Variants in RNF4 observed in about 807,000 individuals in gnomAD.
The protein encoded by RNF4 is ring finger protein 4, also known as E3 ubiquitin-protein ligase RNF4.
Under a neutral mutation model 24.3 loss-of-function variants are expected in RNF4, and 7 were observed. That is an observed-to-expected ratio of 0.29 (90% CI 0.16 to 0.54). The LOEUF (loss-of-function observed/expected upper bound fraction) is 0.54, where lower values mean the gene tolerates loss of function less well. Ranked by LOEUF, RNF4 falls within the 20% of genes least tolerant of loss-of-function variation. The pLI, the probability that RNF4 is intolerant of heterozygous loss-of-function variation, is 0.95. For missense variants in RNF4, 209 were observed against 248.5 expected, an observed-to-expected ratio of 0.84 and a Z score of 1.07; for synonymous variants, 83 against 84.3, an observed-to-expected ratio of 0.98 and a Z score of 0.09.
chr4:2,475,482 G>T (rs1298281304), intron 1 of RNF4, among the ~76,000 whole-genome samples: 1 of 152,140 alleles, frequency 6.6e-6, no homozygotes, highest in Admixed American at 6.6e-5. Context: ...GGGACTACAG[G>T]CACGTGCCAC....
intron 1 of RNF4, among the ~76,000 whole-genome samples, chr4:2,484,067 T>TTCCCC (rs113878655): frequency 7.5e-5 from 1 of 13,282 alleles, no homozygotes. Flanking sequence ...CCTCAGGTGA[T>TTCCCC]CCCCCCCCGC....
chr4:2,514,152 GC>G lies in RNF4; in HGVS notation c.*337del, dbSNP rs1378398199. On this transcript the variant is annotated 3_prime_UTR_variant, in exon 8 of 8. Coordinates refer to ENST00000314289, the MANE Select transcript of RNF4 (RefSeq NM_002938.5). ...GAAATTTTCCCTGTTTGGAAAGTTT[GC>G]CCCAGCTTTCCCGGGCACACCACCT... The G allele has an allele frequency of 1.0e-5, 3 of 287,684 alleles. No individual in the cohort carries two copies. The highest frequency in any genetic ancestry group is 9.9e-5 in the South Asian group (2 of 20,102). 17.8% of individuals were successfully genotyped at this position (287,684 alleles called of 1,614,324 possible).
chr4:2,513,323 C>G (rs575030943), intron 7 of RNF4, among the ~76,000 whole-genome samples, 192 bp downstream of exon 7: 1 of 152,332 alleles, frequency 6.6e-6, no homozygotes, highest in African/African-American at 2.4e-5. Context: ...ACAACTTTCA[C>G]CTTCAGCCCC....
At chr4:2,496,499 C>T (rs1384338963) in intron 2 of RNF4, among the ~76,000 whole-genome samples, 2 of 152,074 alleles carry the variant, frequency 1.3e-5, no homozygotes. Flanking sequence ...CTCACACTGT[C>T]ACCCGGGCTA....
intron 4 of RNF4, 59 bp from the exon 5 acceptor site, chr4:2,511,897 A>G (rs4974709): frequency 0.44 from 675,915 of 1,540,008 alleles, 153,663 homozygotes; most frequent in Admixed American, 0.62. Context: ...GGCTTCGTTT[A>G]TCACTTATAT....
chr4:2,513,177 TC>T, intron 7 of RNF4, 46 bp downstream of exon 7: 1 of 1,562,040 alleles, frequency 6.4e-7, no homozygotes. Flanking sequence ...TTTCTAAACT[TC>T]ACTGAAAGAA....
chr4:2,494,373 C>CT (rs753327529), intron 2 of RNF4, among the ~76,000 whole-genome samples: 18,218 of 98,390 alleles, frequency 0.19, 2,442 homozygotes, highest in South Asian at 0.24. Flanking sequence ...CAACTTAGAA[C>CT]TTTTTTTTTT....
chr4:2,490,222 G>A (rs148794369), intron 1 of RNF4, 115 bp from the exon 2 acceptor site: 124 of 410,030 alleles, frequency 3.0e-4, no homozygotes, highest in African/African-American at 2.0e-3. Flanking sequence ...ATGTCATTGC[G>A]TGAAATAGTA....
At chr4:2,484,676 A>G (rs1480543494) in intron 1 of RNF4, among the ~76,000 whole-genome samples, 1 of 152,066 alleles carries the variant, frequency 6.6e-6, no homozygotes, top group Non-Finnish European at 1.5e-5. Flanking sequence ...GGGACCTCTA[A>G]GAAAAACAGA....
chr4:2,481,963 TGAA>T (rs1181478502), intron 1 of RNF4, among the ~76,000 whole-genome samples: 1 of 152,124 alleles, frequency 6.6e-6, no homozygotes, highest in African/African-American at 2.4e-5. Flanking sequence ...GGTAAAGTGT[TGAA>T]GGAGAGTTGA....
At position 2,512,990 on chromosome 4, in the gene RNF4, G is replaced by T; in HGVS notation, c.375-93G>T. The T allele has an allele frequency of 8.0e-7, 1 of 1,246,182 alleles. No individual in the cohort carries two copies. 77.2% of individuals were successfully genotyped at this position (1,246,182 alleles called of 1,614,324 possible). ...GGCAGAGTCAGGAGGCCAGGGACGGGACTCTTGTAGGGGATAGGGGCCACT... is the reference window on the plus strand; with the variant it reads ...GGCAGAGTCAGGAGGCCAGGGACGGTACTCTTGTAGGGGATAGGGGCCACT... On this transcript the variant is annotated intron_variant, in intron 6 of 7. Transcript: ENST00000314289. This position sits in a 1 kb window ranked among gnomAD's most constrained non-coding sequence, Gnocchi z 4.1.
At chr4:2,500,601 G>T in intron 3 of RNF4, 58 bp from the exon 4 acceptor site, 1 of 1,549,324 alleles carries the variant, frequency 6.5e-7, no homozygotes, top group South Asian at 1.1e-5. Context: ...AAGTGTAGAG[G>T]GATACAACCT....
intron 1 of RNF4, among the ~76,000 whole-genome samples, chr4:2,478,600 A>C (rs1426492924): frequency 6.6e-6 from 1 of 152,264 alleles, no homozygotes; most frequent in East Asian, 1.9e-4. Flanking sequence ...CTGTGGTTTC[A>C]GAAGGTGCAG....
chr4:2,492,697 C>T (rs1735617571), intron 2 of RNF4, among the ~76,000 whole-genome samples: 1 of 152,176 alleles, frequency 6.6e-6, no homozygotes, highest in Non-Finnish European at 1.5e-5. Flanking sequence ...TGGGTCCTCA[C>T]CCTCTTCTGT....
At chr4:2,481,490 C>T (rs1735242462) in intron 1 of RNF4, among the ~76,000 whole-genome samples, 1 of 152,116 alleles carries the variant, frequency 6.6e-6, no homozygotes, top group Non-Finnish European at 1.5e-5. Flanking sequence ...GACCTATGTT[C>T]TGTAGGCAAT....
chr4:2,485,849 C>T (rs139156683), intron 1 of RNF4, among the ~76,000 whole-genome samples: 10 of 152,230 alleles, frequency 6.6e-5, no homozygotes, highest in Non-Finnish European at 8.8e-5. Flanking sequence ...GCATACTGGA[C>T]GAGAGACTGG....
At chr4:2,486,856 C>T (rs1039284988) in intron 1 of RNF4, among the ~76,000 whole-genome samples, 1 of 152,170 alleles carries the variant, frequency 6.6e-6, no homozygotes, top group Non-Finnish European at 1.5e-5. Flanking sequence ...CTAAGACACG[C>T]TATTGATGTG....
At chr4:2,506,707 A>G (rs903339671) in intron 4 of RNF4, among the ~76,000 whole-genome samples, 11 of 152,158 alleles carry the variant, frequency 7.2e-5, no homozygotes, top group Admixed American at 4.6e-4. Flanking sequence ...AGCTGGGACT[A>G]TAGGGGTATG....
rs534348980 is a variant in RNF4, at chr4:2,507,918, G to A, written c.205-4038G>A. Among the ~76,000 whole-genome samples the A allele has an allele frequency of 1.7e-4, 26 of 151,866 alleles. No homozygotes were observed. In the East Asian group the frequency reaches 2.7e-3, roughly 16 times the overall value. On this transcript the variant is annotated intron_variant, in intron 4 of 7. Coordinates refer to ENST00000314289, the MANE Select transcript of RNF4 (RefSeq NM_002938.5). ...TGCCCAGGCTGGAAGGCAGGGGCCC[G>A]AGCTCAGCTCACTGTAGCCTCAACC...
Sources: gnomAD v4.1 joint callset for allele counts (sites outside exome capture counted in the v4.1 genomes callset) on GRCh38, gnomAD v4.1.1 for gene constraint, Gnocchi (gnomAD v3.1) non-coding constraint, MANE v1.5 for transcripts, NCBI Gene and HGNC (gene_info 2026-07-23, HGNC 2026-07-21) for gene names.